The following SLC2A9 variants were observed in gnomAD, a reference collection of about 807,000 sequenced individuals.
The protein encoded by SLC2A9 is solute carrier family 2 member 9, also known as solute carrier family 2, facilitated glucose transporter member 9.
A neutral mutation model predicts 50.6 loss-of-function variants in SLC2A9; 39 were observed. The observed-to-expected ratio is 0.77, with a 90% CI of 0.60 to 1.01. The LOEUF is 1.01. Among genes scored for constraint, SLC2A9 ranks in the 50% least tolerant of loss-of-function variants. The pLI is 0.00. For synonymous variants in SLC2A9, 324 were observed against 276.9 expected, an observed-to-expected ratio of 1.17 and a Z score of -1.69; for missense variants, 686 against 677.6, an observed-to-expected ratio of 1.01 and a Z score of -0.14.
chr4:10,034,544 C>G (rs982570497), intron 1 of SLC2A9: 1 of 152,442 alleles, frequency 6.6e-6, no homozygotes, highest in African/African-American at 2.4e-5. Flanking sequence ...CAGCTGGAGC[C>G]TGTTGTGAGC....
At chr4:9,803,846 T>C (rs1331520689) in intron 3 of SLC2A9, among the ~76,000 whole-genome samples, 1 of 152,228 alleles carries the variant, frequency 6.6e-6, no homozygotes, top group Non-Finnish European at 1.5e-5. Flanking sequence ...GATATACTTA[T>C]TAAATACCTC....
At chr4:9,822,741 C>A (rs990654189), downstream of SLC2A9, among the ~76,000 whole-genome samples, 7 of 152,084 alleles carry the variant, frequency 4.6e-5, no homozygotes, top group African/African-American at 1.7e-4. Flanking sequence ...AATCATTTTC[C>A]ACTCTGTGTA....
intron 8 of SLC2A9, among the ~76,000 whole-genome samples, chr4:9,893,711 A>G (rs1011140119): frequency 6.6e-6 from 1 of 152,136 alleles, no homozygotes; most frequent in Non-Finnish European, 1.5e-5. Context: ...GTCCAGTGCA[A>G]CATGGGCAAG....
chr4:9,849,021 G>C (rs571709739), intron 10 of SLC2A9, among the ~76,000 whole-genome samples: 1 of 152,316 alleles, frequency 6.6e-6, no homozygotes, highest in Non-Finnish European at 1.5e-5. Flanking sequence ...TTATGCAGTT[G>C]AGGAGATGGA....
intron 2 of SLC2A9, among the ~76,000 whole-genome samples, chr4:10,012,037 C>T (rs1761849064): frequency 2.0e-5 from 3 of 152,242 alleles, no homozygotes; most frequent in Admixed American, 2.0e-4. Flanking sequence ...CACATACCCT[C>T]ACCCATTCAT....
intron 2 of SLC2A9, among the ~76,000 whole-genome samples, chr4:9,998,976 G>A (rs373209082): frequency 1.7e-4 from 25 of 150,892 alleles, no homozygotes; most frequent in African/African-American, 5.1e-4. Flanking sequence ...ATATATAGAC[G>A]GTAAAACTAC....
At chr4:9,993,623 A>G (rs181301391) in intron 3 of SLC2A9, among the ~76,000 whole-genome samples, 56 of 152,180 alleles carry the variant, frequency 3.7e-4, no homozygotes, top group Middle Eastern at 3.4e-3. Flanking sequence ...GCCCGTAGCT[A>G]GTGTTTGTAC....
chr4:9,953,945 G>A lies in SLC2A9; in HGVS notation c.682-11900C>T, dbSNP rs888794251. 1.1e-3 allele frequency among the ~76,000 whole-genome samples: 164 copies of A among 152,314 alleles called. 3 individuals are homozygous for A. The highest frequency in any genetic ancestry group is 1.0e-4 in the Non-Finnish European group (7 of 68,028). On this transcript the variant is annotated intron_variant, in intron 5 of 11. Transcript: ENST00000264784. ...CTGCCTCAGCCTCCCGAGTAGCTGG[G>A]ATTACAGGCATGAGCCACCATGCCC...
chr4:9,833,926 G>A (rs375470599), intron 11 of SLC2A9, among the ~76,000 whole-genome samples: 1 of 152,098 alleles, frequency 6.6e-6, no homozygotes, highest in South Asian at 2.1e-4. Context: ...AATGCTTCTG[G>A]GCCCCTTGCT....
intron 8 of SLC2A9, 30 bp from the exon 9 acceptor site, chr4:9,890,741 C>CTAT: frequency 6.5e-7 from 1 of 1,544,198 alleles, no homozygotes. Flanking sequence ...AGAGAGAGAG[C>CTAT]TATTATTCCA....
At chr4:9,879,192 A>AG in intron 10 of SLC2A9, 6 of 985,236 alleles carry the variant, frequency 6.1e-6, no homozygotes, top group Non-Finnish European at 7.2e-6. Flanking sequence ...GAGTTAATCT[A>AG]GGGGGCTGTG....
chr4:9,926,875 C>CGGAG, intron 6 of SLC2A9, among the ~76,000 whole-genome samples: 1 of 152,094 alleles, frequency 6.6e-6, no homozygotes, highest in African/African-American at 2.4e-5. Flanking sequence ...CTTGTGTTCA[C>CGGAG]GGAGGAGAGG....
At chr4:9,853,263 C>T (rs1317655609) in intron 10 of SLC2A9, among the ~76,000 whole-genome samples, 2 of 151,546 alleles carry the variant, frequency 1.3e-5, no homozygotes, top group Admixed American at 6.6e-5. Flanking sequence ...ACCCATCTCA[C>T]ATTCAGTGAC....
At chr4:9,800,013 C>A (rs191140756) in intron 3 of SLC2A9, among the ~76,000 whole-genome samples, 2 of 152,096 alleles carry the variant, frequency 1.3e-5, no homozygotes, top group Non-Finnish European at 2.9e-5. Flanking sequence ...TAGTAACATC[C>A]CTTGGTCACT....
At chr4:10,018,386 AC>A (rs1471858134) in intron 2 of SLC2A9, among the ~76,000 whole-genome samples, 1 of 152,088 alleles carries the variant, frequency 6.6e-6, no homozygotes, top group Non-Finnish European at 1.5e-5. Flanking sequence ...CTCTACAAAT[AC>A]AAAAATTAGT....
intron 10 of SLC2A9, among the ~76,000 whole-genome samples, chr4:9,859,798 A>G (rs1298164289): frequency 6.6e-6 from 1 of 152,212 alleles, no homozygotes; most frequent in African/African-American, 2.4e-5. Context: ...CTGATATCAA[A>G]GCCCCTGCTG....
At chr4:9,814,756 A>C (rs1723348039) in intron 3 of SLC2A9, among the ~76,000 whole-genome samples, 1 of 152,068 alleles carries the variant, frequency 6.6e-6, no homozygotes, top group East Asian at 1.9e-4. Flanking sequence ...GCGCTAGAGC[A>C]AAGGTGTTTA....
intron 2 of SLC2A9, among the ~76,000 whole-genome samples, chr4:9,998,818 A>G (rs1484714714): frequency 6.6e-6 from 1 of 152,198 alleles, no homozygotes; most frequent in East Asian, 1.9e-4. Flanking sequence ...ACAGCCACAA[A>G]CATGAATGAA....
At chr4:10,010,155 C>A (rs1321125314) in intron 2 of SLC2A9, among the ~76,000 whole-genome samples, 1 of 152,170 alleles carries the variant, frequency 6.6e-6, no homozygotes, top group Admixed American at 6.5e-5. Context: ...TGAGTTCAAC[C>A]TTATGGCCAA....
Sources: gnomAD v4.1 joint callset for allele counts (sites outside exome capture counted in the v4.1 genomes callset) on GRCh38, gnomAD v4.1.1 for gene constraint, MANE v1.5 for transcripts, NCBI Gene and HGNC (gene_info 2026-07-23, HGNC 2026-07-21) for gene names.